Variants in HIP1 observed in about 807,000 individuals in gnomAD.
HIP1 encodes huntingtin interacting protein 1, also known as huntingtin-interacting protein 1.
In HIP1, 65 loss-of-function variants were observed where a neutral mutation model predicts 147.6. The observed-to-expected ratio is 0.44, with a 90% CI of 0.36 to 0.54. The LOEUF (loss-of-function observed/expected upper bound fraction) is 0.54. Among genes scored for constraint, HIP1 ranks in the 20% least tolerant of loss-of-function variants. The pLI, the probability that HIP1 is intolerant of heterozygous loss-of-function variation, is 0.00. For synonymous variants in HIP1, 479 were observed against 504.0 expected (o/e 0.95, Z 0.67); for missense variants, 1,061 against 1,299.6 (o/e 0.82, Z 2.82).
intron 1 of HIP1, among the ~76,000 whole-genome samples, chr7:75,727,706 C>T (rs1171390538): frequency 1.3e-5 from 2 of 151,940 alleles, no homozygotes; most frequent in African/African-American, 2.4e-5. Context: ...ATTATCCGGG[C>T]ATGGTGGCAT....
chr7:75,556,142 C>A lies in HIP1; in HGVS notation c.1711G>T (p.Ala571Ser). The A allele has an allele frequency of 6.2e-7, 1 of 1,614,108 alleles. No individual in the cohort carries two copies. The highest frequency in any genetic ancestry group is 8.5e-7 in the Non-Finnish European group (1 of 1,180,038). Residue 571 changes from alanine (A) to serine (S), a missense_variant, in exon 18 of 31, where the codon GCC (alanine) becomes TCC (serine). Ala to Ser is a moderately conservative substitution (Grantham distance 99, BLOSUM62 1). Around this residue, in one of 3 missense-constraint regions of HIP1, gnomAD observed 810 missense variants for 946.8 expected, o/e 0.86. Transcript: ENST00000336926. ...CTGTCCCGCTCCTTCTCTAGCTCGG[C>A]GAACTCGGCTGCCCAGTTTGCTTCT... ...QSEANWAAEF[A>S]ELEKERDSLV...
intron 2 of HIP1, among the ~76,000 whole-genome samples, chr7:75,595,283 C>CCTTCCTTCCTTTCTCT (rs1554501698): frequency 1.2e-5 from 1 of 83,402 alleles, no homozygotes; most frequent in African/African-American, 7.5e-5. Flanking sequence ...TTCCTTCCTT[C>CCTTCCTTCCTTTCTCT]CTTTCTTTCT....
chr7:75,539,657 A>G (rs1429799329), intron 29 of HIP1, among the ~76,000 whole-genome samples: 3 of 152,088 alleles, frequency 2.0e-5, no homozygotes, highest in Non-Finnish European at 4.4e-5. Context: ...TTTCTGCTGC[A>G]TTGTGAATTC....
At chr7:75,635,259 C>A (rs1166348101) in intron 1 of HIP1, among the ~76,000 whole-genome samples, 2 of 151,870 alleles carry the variant, frequency 1.3e-5, no homozygotes, top group African/African-American at 4.8e-5. Flanking sequence ...TCGTGTGTAC[C>A]CTCATTCACA....
chr7:75,707,781 TC>T (rs1450604383), intron 1 of HIP1, among the ~76,000 whole-genome samples: 1 of 135,402 alleles, frequency 7.4e-6, no homozygotes, highest in African/African-American at 2.9e-5. Flanking sequence ...AACAGAGCCC[TC>T]AGAAATAATG....
At chr7:75,658,234 T>C (rs1799203925) in intron 1 of HIP1, among the ~76,000 whole-genome samples, 1 of 152,130 alleles carries the variant, frequency 6.6e-6, no homozygotes, top group African/African-American at 2.4e-5. Flanking sequence ...ATTACACGCA[T>C]CTGCCATCAC....
At chr7:75,637,563 T>TTTTTTG (rs1584907476) in intron 1 of HIP1, among the ~76,000 whole-genome samples, 3 of 115,998 alleles carry the variant, frequency 2.6e-5, no homozygotes, top group Admixed American at 9.2e-5. Context: ...TTTTTTTTTT[T>TTTTTTG]GAGAGGGAGT....
chr7:75,669,046 C>T (rs1554514938), intron 1 of HIP1, among the ~76,000 whole-genome samples: 2 of 150,148 alleles, frequency 1.3e-5, no homozygotes, highest in African/African-American at 4.9e-5. Context: ...GGCGAAACCT[C>T]GTTTCTACTT....
intron 1 of HIP1, among the ~76,000 whole-genome samples, chr7:75,612,351 A>G (rs1382966758): frequency 6.6e-6 from 1 of 152,048 alleles, no homozygotes; most frequent in East Asian, 1.9e-4. Flanking sequence ...CTCTACTAAA[A>G]ATACAAAATT....
intron 1 of HIP1, among the ~76,000 whole-genome samples, chr7:75,638,782 C>T (rs1192618138): frequency 6.6e-6 from 1 of 152,130 alleles, no homozygotes; most frequent in Non-Finnish European, 1.5e-5. Context: ...CGGCGAGCCC[C>T]GCAGCCCAGT....
chr7:75,700,663 G>C (rs1800796392), intron 1 of HIP1, among the ~76,000 whole-genome samples: 1 of 151,930 alleles, frequency 6.6e-6, no homozygotes, highest in South Asian at 2.1e-4. Flanking sequence ...AAACCAACGA[G>C]AAGGGGACAG....
intron 1 of HIP1, among the ~76,000 whole-genome samples, chr7:75,665,313 C>A (rs1009729461): frequency 6.6e-6 from 1 of 151,964 alleles, no homozygotes; most frequent in Non-Finnish European, 1.5e-5. Flanking sequence ...CTGCAGGAAG[C>A]AGAGGGCATT....
intron 1 of HIP1, among the ~76,000 whole-genome samples, chr7:75,680,540 T>G (rs1303706837): frequency 6.6e-6 from 1 of 152,186 alleles, no homozygotes; most frequent in East Asian, 1.9e-4. Flanking sequence ...TAAATACAGA[T>G]GCAATCATAA....
chr7:75,554,536 G>T lies in HIP1; in HGVS notation c.1964-10C>A. On this transcript the variant is annotated splice_polypyrimidine_tract_variant and intron_variant, in intron 19 of 30. Transcript: ENST00000336926. ...GTGGAGAGGAGGTGATCTGTGAGAG[G>T]GAACACAGGGCAAGGTCAGAGCAAG... is the stretch of plus-strand genomic sequence containing the variant. 1 of 1,606,600 alleles carries T rather than the reference G, an allele frequency of 6.2e-7. No homozygotes were observed.
rs1007733489 is a variant in HIP1 at position 75,648,294 on chromosome 7, G to A, written c.121-49047C>T. On this transcript the variant is annotated intron_variant, in intron 1 of 30. Coordinates refer to ENST00000336926, the MANE Select transcript of HIP1 (RefSeq NM_005338.7). ...CTGGTTGGAGTAGCTGGGGCTCGTC[G>A]GAGTAGTTGGGGCTGATTGGAGTAG... Among the ~76,000 whole-genome samples, 26 of 152,134 alleles carry A rather than the reference G, an allele frequency of 1.7e-4. No individual in the cohort carries two copies. In the East Asian group the frequency reaches 1.7e-3, roughly 10 times the overall value.
chr7:75,599,863 T>C (rs587651423), intron 1 of HIP1, among the ~76,000 whole-genome samples: 261 of 145,944 alleles, frequency 1.8e-3, no homozygotes, highest in African/African-American at 6.4e-3. Context: ...TTTTGAGGAG[T>C]CTCGCTCTGT....
At chr7:75,618,458 G>A (rs1301833753) in intron 1 of HIP1, among the ~76,000 whole-genome samples, 1 of 151,954 alleles carries the variant, frequency 6.6e-6, no homozygotes, top group African/African-American at 2.4e-5. Flanking sequence ...GCTAATTTTT[G>A]TATTTTCAGT....
At chr7:75,733,003 T>G (rs1291657818) in intron 1 of HIP1, among the ~76,000 whole-genome samples, 2 of 152,228 alleles carry the variant, frequency 1.3e-5, no homozygotes, top group Admixed American at 1.3e-4. Flanking sequence ...CTCATCTCTG[T>G]GTCTCCTCCA....
chr7:75,578,348 C>G (rs1795916918), intron 7 of HIP1, among the ~76,000 whole-genome samples: 1 of 152,140 alleles, frequency 6.6e-6, no homozygotes, highest in Non-Finnish European at 1.5e-5. Flanking sequence ...CTAAGAATCT[C>G]ACTCACGCCT....
Sources: allele counts gnomAD v4.1 joint callset (sites outside exome capture counted in the v4.1 genomes callset), GRCh38; gene constraint gnomAD v4.1.1; regional missense constraint gnomAD v4.1.1; transcripts MANE v1.5; gene names NCBI Gene and HGNC (gene_info 2026-07-23, HGNC 2026-07-21).